Variants in TRHDE observed in about 807,000 individuals in gnomAD.
The protein encoded by TRHDE is thyrotropin-releasing hormone-degrading ectoenzyme.
In TRHDE, 72 loss-of-function variants were observed where a neutral mutation model predicts 125.7. The ratio of observed to expected loss-of-function variants is 0.57; its 90% CI spans 0.47 to 0.70. TRHDE has a LOEUF of 0.70. Among genes scored for constraint, TRHDE ranks in the 30% least tolerant of loss-of-function variants. The pLI, the probability that TRHDE is intolerant of heterozygous loss-of-function variation, is 0.00. For synonymous variants in TRHDE, 509 were observed against 509.1 expected (o/e 1.00, Z 0.00); for missense variants, 1,110 against 1,327.1 (o/e 0.84, Z 2.54).
intron 2 of TRHDE, among the ~76,000 whole-genome samples, chr12:72,357,674 G>A (rs1490210164): frequency 6.6e-6 from 1 of 151,488 alleles, no homozygotes; most frequent in Admixed American, 6.6e-5. Flanking sequence ...GACCATTAGA[G>A]TGTAAATATT....
intron 2 of TRHDE, among the ~76,000 whole-genome samples, chr12:72,247,056 C>G (rs1878588144): frequency 6.6e-6 from 1 of 152,136 alleles, no homozygotes; most frequent in Non-Finnish European, 1.5e-5. Context: ...GGGATTTATT[C>G]CAGGACCTCG....
chr12:72,376,235 C>A (rs1871875330), intron 2 of TRHDE, among the ~76,000 whole-genome samples: 1 of 152,164 alleles, frequency 6.6e-6, no homozygotes, highest in African/African-American at 2.4e-5. Flanking sequence ...TGAAATTGCA[C>A]CCTTGCTTAG....
intron 2 of TRHDE, among the ~76,000 whole-genome samples, chr12:72,200,311 A>G (rs1877530814): frequency 6.6e-6 from 1 of 152,166 alleles, no homozygotes; most frequent in South Asian, 2.1e-4. Flanking sequence ...GATAGAAAAG[A>G]TAGTGAGGAG....
chr12:72,535,855 A>G (rs1868832392), intron 6 of TRHDE, among the ~76,000 whole-genome samples: 2 of 152,152 alleles, frequency 1.3e-5, no homozygotes, highest in Non-Finnish European at 2.9e-5. Context: ...ACAAATTTAC[A>G]TTTTAAAAGT....
rs1020203698 is a variant in TRHDE at position 72,665,535 on chromosome 12, G to A, written c.*2340G>A. 1.3e-5 allele frequency: 2 copies of A among 152,176 alleles called. No homozygotes were observed. Among genetic ancestry groups the A allele is most frequent in the African/African-American group, 4.8e-5 (2 of 41,360 alleles). 9.4% of individuals were successfully genotyped at this position (152,176 alleles called of 1,614,324 possible). A position where few individuals can be genotyped will look rare whatever the true frequency, so the allele number is the denominator to read the frequency against. On this transcript the variant is annotated 3_prime_UTR_variant, in exon 19 of 19. Transcript: ENST00000261180. ...GTTGAAATTATATCAGGCTTTACCG[G>A]TTTTTTTAGTTGTTTAAATAAGTAA...
chr12:72,105,485 G>C (rs1034741986), intron 1 of TRHDE, among the ~76,000 whole-genome samples: 1 of 152,130 alleles, frequency 6.6e-6, no homozygotes, highest in Admixed American at 6.5e-5. Context: ...TGAATGCCAA[G>C]CATGGAAATC....
At chr12:72,614,328 A>T (rs200514703) in intron 12 of TRHDE, among the ~76,000 whole-genome samples, 1,279 of 104,546 alleles carry the variant, frequency 0.012, 13 homozygotes, top group South Asian at 0.044. Context: ...ATATATATAT[A>T]TATTTTTTTT....
chr12:72,257,837 G>A (rs966862185), intron 2 of TRHDE: 3 of 152,170 alleles, frequency 2.0e-5, no homozygotes, highest in Admixed American at 1.3e-4. Flanking sequence ...AAAGGGGAAC[G>A]TTTACATCCT....
intron 5 of TRHDE, among the ~76,000 whole-genome samples, chr12:72,474,451 T>C (rs1277696218): frequency 6.6e-6 from 1 of 152,128 alleles, no homozygotes; most frequent in Non-Finnish European, 1.5e-5. Context: ...CCCAAGCCTC[T>C]GGCAACCACC....
chr12:72,406,897 T>C (rs184568870), intron 3 of TRHDE, among the ~76,000 whole-genome samples: 1 of 152,346 alleles, frequency 6.6e-6, no homozygotes, highest in East Asian at 1.9e-4. Context: ...TGACAAATGA[T>C]ATCAAAGTGT....
chr12:72,299,502 A>AT (rs111300276), intron 2 of TRHDE, among the ~76,000 whole-genome samples: 28,120 of 152,148 alleles, frequency 0.18, 2,761 homozygotes, highest in Middle Eastern at 0.35. Flanking sequence ...TCTTACTGTC[A>AT]TCTTAAAACC....
chr12:72,269,541 G>A (rs1879145666), upstream of TRHDE, among the ~76,000 whole-genome samples: 1 of 152,094 alleles, frequency 6.6e-6, no homozygotes, highest in Non-Finnish European at 1.5e-5. Context: ...ACACATTAGT[G>A]AAATACAAAG....
chr12:72,551,726 G>T (rs1869682354), intron 7 of TRHDE, among the ~76,000 whole-genome samples: 1 of 152,054 alleles, frequency 6.6e-6, no homozygotes. Flanking sequence ...CATGTAACAG[G>T]ATAAAGGGGA....
intron 2 of TRHDE, among the ~76,000 whole-genome samples, chr12:72,305,453 C>T (rs1868326211): frequency 6.6e-6 from 1 of 152,152 alleles, no homozygotes; most frequent in African/African-American, 2.4e-5. Context: ...CATAAATTGC[C>T]TTCGGGGCAA....
At chr12:72,469,631 GC>G (rs1876547695) in intron 3 of TRHDE, 126 bp from the exon 4 acceptor site, 2 of 1,023,166 alleles carry the variant, frequency 2.0e-6, no homozygotes, top group Middle Eastern at 3.2e-4. Flanking sequence ...AGTTTAATTT[GC>G]CAAAAAAATC....
intron 10 of TRHDE, among the ~76,000 whole-genome samples, chr12:72,571,548 A>T (rs1278595408): frequency 6.6e-6 from 1 of 152,176 alleles, no homozygotes; most frequent in Non-Finnish European, 1.5e-5. Context: ...TAATTTTTAA[A>T]CCAATTTTTC....
intron 6 of TRHDE, among the ~76,000 whole-genome samples, chr12:72,541,474 A>G (rs1279733805): frequency 1.3e-5 from 2 of 151,454 alleles, no homozygotes; most frequent in Non-Finnish European, 3.0e-5. Context: ...ATTTTCTTCT[A>G]TTTCTCAAGT....
At chr12:72,212,469 G>A (rs1385847156) in intron 2 of TRHDE, among the ~76,000 whole-genome samples, 1 of 152,058 alleles carries the variant, frequency 6.6e-6, no homozygotes, top group Non-Finnish European at 1.5e-5. Context: ...CCACATATCT[G>A]ATAAGGAACT....
chr12:72,112,491 T>C (rs1360531353), intron 2 of TRHDE, among the ~76,000 whole-genome samples: 1 of 152,162 alleles, frequency 6.6e-6, no homozygotes, highest in Non-Finnish European at 1.5e-5. Context: ...CTTTCTCCAG[T>C]AAATAGTGTA....
Sources: allele counts gnomAD v4.1 joint callset (sites outside exome capture counted in the v4.1 genomes callset), GRCh38; gene constraint gnomAD v4.1.1; transcripts MANE v1.5; gene names NCBI Gene and HGNC (gene_info 2026-07-23, HGNC 2026-07-21).